Variants in MTMR14 observed in about 807,000 individuals in gnomAD.
MTMR14 encodes the protein myotubularin related protein 14, also known as phosphatidylinositol-3,5-bisphosphate 3-phosphatase MTMR14.
In MTMR14, 48 loss-of-function variants were observed where a neutral mutation model predicts 86.3. That is an observed-to-expected ratio of 0.56 (90% confidence interval 0.44 to 0.71). MTMR14 has a LOEUF of 0.71. MTMR14 is among the 30% of genes least tolerant of loss of function. The pLI is 0.00. For synonymous variants in MTMR14, 366 were observed against 326.1 expected (o/e 1.12, Z -1.32); for missense variants, 780 against 834.6 (o/e 0.93, Z 0.81).
chr3:9,662,271 G>C lies in MTMR14; in HGVS notation c.313G>C (p.Glu105Gln), dbSNP rs1172895966. The C allele has an allele frequency of 6.2e-7, 1 of 1,612,860 alleles. No individual in the cohort carries two copies. Among genetic ancestry groups the C allele is most frequent in the African/African-American group, 1.3e-5 (1 of 74,472 alleles). Residue 105 changes from glutamate to glutamine, a missense_variant, in exon 3 of 19, where the codon GAG becomes CAG. Coordinates refer to ENST00000296003, the MANE Select transcript of MTMR14 (RefSeq NM_001077525.3). The stretch of plus-strand genomic sequence containing the variant: ...CTTCTCTTGCCTGTGTGTTAGGTTT[G>C]AGAGTACCGTACAGGTGAGCAAGTT... ...ESSEKEKDTF[E>Q]STVQVSKLQD...
chr3:9,678,119 T>C (rs2075643970), intron 9 of MTMR14, 61 bp downstream of exon 9: 2 of 1,560,064 alleles, frequency 1.3e-6, no homozygotes, highest in Non-Finnish European at 1.8e-6. Flanking sequence ...AGGAGACTCT[T>C]GATGCCTGCC....
chr3:9,659,709 T>C (rs1338704929), intron 2 of MTMR14: 1 of 455,638 alleles, frequency 2.2e-6, no homozygotes, highest in Non-Finnish European at 4.4e-6. Context: ...TCCCCAAGTG[T>C]GGGATTACAG....
intron 17 of MTMR14, among the ~76,000 whole-genome samples, chr3:9,693,031 G>A (rs956023114): frequency 1.2e-4 from 19 of 152,132 alleles, no homozygotes; most frequent in African/African-American, 3.6e-4. Context: ...AGAGGCTTAG[G>A]TAACGCCAAG....
rs775303222 is a variant in MTMR14 at position 9,669,461 on chromosome 3, G to A, written c.523G>A (p.Glu175Lys). 11 of 1,613,980 alleles carry A rather than the reference G, an allele frequency of 6.8e-6. No homozygotes were observed. In the South Asian group the frequency reaches 9.9e-5, roughly 14 times the overall value. ...GGADDAWADV[E>K]DVTEEDCALR... The stretch of plus-strand genomic sequence containing the variant: ...TGCAGATGATGCCTGGGCAGATGTG[G>A]AGGACGTCACGGAGGAGGACTGTGC... The change falls in exon 5 of 19, where the codon GAG (glutamate) becomes AAG (lysine). Residue 175 changes from glutamate to lysine, a missense_variant. By Grantham distance (56) the Glu-to-Lys change is moderately conservative. Coordinates refer to ENST00000296003, the MANE Select transcript of MTMR14 (RefSeq NM_001077525.3).
At chr3:9,653,331 T>A (rs556956171) in intron 1 of MTMR14, among the ~76,000 whole-genome samples, 4 of 152,166 alleles carry the variant, frequency 2.6e-5, no homozygotes, top group Non-Finnish European at 5.9e-5. Flanking sequence ...GTTTTATGGG[T>A]TGTAGACCTC....
chr3:9,678,506 T>G (rs1182617074), intron 9 of MTMR14, among the ~76,000 whole-genome samples: 2 of 152,244 alleles, frequency 1.3e-5, no homozygotes, highest in Non-Finnish European at 2.9e-5. Context: ...GCCTCTAGTC[T>G]TACTGGAAAC....
Position 9,653,737 on chromosome 3 carries a change from G to A in MTMR14, c.276G>A (p.Leu92=). ...CGHYPRHIVF[L]EYESSEKEKD... is the part of the protein sequence containing the mutation. ...ACTATCCCCGGCACATCGTGTTCCT[G>A]GAGTATGAGAGTTCTGAGAAGGAGA... The change falls in exon 2 of 19, where the codon CTG becomes CTA. Residue 92 remains leucine, a synonymous_variant. Coordinates refer to ENST00000296003, the MANE Select transcript of MTMR14 (RefSeq NM_001077525.3). The A allele has an allele frequency of 6.2e-7, 1 of 1,614,142 alleles. No individual in the cohort carries two copies.
At chr3:9,660,295 T>C (rs1381030799) in intron 2 of MTMR14, among the ~76,000 whole-genome samples, 3 of 151,814 alleles carry the variant, frequency 2.0e-5, no homozygotes, top group African/African-American at 7.3e-5. Context: ...AGTCTCGCCC[T>C]TCGCCCAGGC....
chr3:9,685,304 G>T, intron 13 of MTMR14, 57 bp downstream of exon 13: 1 of 1,604,712 alleles, frequency 6.2e-7, no homozygotes, highest in Non-Finnish European at 8.5e-7. Flanking sequence ...AGGGGCAGTG[G>T]GTAGCCTGTC....
intron 9 of MTMR14, 55 bp downstream of exon 9, chr3:9,678,113 G>A (rs2075642938): frequency 3.8e-6 from 6 of 1,574,144 alleles, no homozygotes; most frequent in Non-Finnish European, 5.2e-6. Context: ...TGACCAAGGA[G>A]ACTCTTGATG....
At chr3:9,672,897 G>A (rs2048652229) in intron 7 of MTMR14, 139 bp downstream of exon 7, 5 of 807,926 alleles carry the variant, frequency 6.2e-6, no homozygotes, top group South Asian at 5.5e-5. Context: ...GGACATTTTG[G>A]TTCCCAGTCA....
At chr3:9,681,776 T>G (rs1403595134) in intron 9 of MTMR14, among the ~76,000 whole-genome samples, 3 of 151,958 alleles carry the variant, frequency 2.0e-5, no homozygotes, top group African/African-American at 7.3e-5. Context: ...ATAGGAAGAG[T>G]ACCTACAGTG....
chr3:9,688,565 C>A (rs2076036836), intron 14 of MTMR14, 131 bp from the exon 15 acceptor site: 3 of 1,010,756 alleles, frequency 3.0e-6, no homozygotes, highest in African/African-American at 1.6e-5. Flanking sequence ...ATAACACTCC[C>A]TAGGCTAGGA....
chr3:9,652,555 G>A (rs1286396669), intron 1 of MTMR14, among the ~76,000 whole-genome samples: 1 of 152,100 alleles, frequency 6.6e-6, no homozygotes, highest in African/African-American at 2.4e-5. Flanking sequence ...GAGTTCGAGA[G>A]CAGCCTGGAA....
chr3:9,661,448 C>T (rs916535178), intron 2 of MTMR14, among the ~76,000 whole-genome samples: 2 of 152,170 alleles, frequency 1.3e-5, no homozygotes, highest in African/African-American at 4.8e-5. Flanking sequence ...CGGTAATGCT[C>T]ACTTGCCTGC....
chr3:9,682,075 CCT>C (rs1367776381), intron 9 of MTMR14, among the ~76,000 whole-genome samples: 2 of 152,254 alleles, frequency 1.3e-5, no homozygotes, highest in African/African-American at 4.8e-5. Flanking sequence ...CTCTTACCTC[CCT>C]CTCCTGCTTT....
chr3:9,688,864 C>G (rs1350683401), intron 15 of MTMR14, 80 bp from the exon 16 acceptor site: 2 of 1,604,140 alleles, frequency 1.2e-6, no homozygotes, highest in Middle Eastern at 1.7e-4. Context: ...TTTTTCTTCC[C>G]AGTTATGTGG....
chr3:9,653,824 C>T, intron 2 of MTMR14, 55 bp downstream of exon 2: 2 of 1,611,270 alleles, frequency 1.2e-6, no homozygotes, highest in Non-Finnish European at 1.7e-6. Flanking sequence ...GCAGCTAATC[C>T]CTGTGGCCAG....
At chr3:9,681,461 G>A (rs1343797093) in intron 9 of MTMR14, among the ~76,000 whole-genome samples, 4 of 152,128 alleles carry the variant, frequency 2.6e-5, no homozygotes, top group African/African-American at 4.8e-5. Context: ...AGGCAACAAC[G>A]TAACCATCAC....
Sources: gnomAD v4.1 joint callset for allele counts (sites outside exome capture counted in the v4.1 genomes callset) on GRCh38, gnomAD v4.1.1 for gene constraint, MANE v1.5 for transcripts, NCBI Gene and HGNC (gene_info 2026-07-23, HGNC 2026-07-21) for gene names.